Variants in LRP1 observed in about 807,000 individuals in gnomAD.
LRP1 encodes LDL receptor related protein 1.
In LRP1, 51 loss-of-function variants were observed where a neutral mutation model predicts 541.5. The ratio of observed to expected loss-of-function variants is 0.09; its 90% CI spans 0.08 to 0.12. LRP1 has a LOEUF of 0.12. Ranked by LOEUF, LRP1 falls within the 10% of genes least tolerant of loss-of-function variation. The pLI, the probability that LRP1 is intolerant of heterozygous loss-of-function variation, is 1.00. For synonymous variants in LRP1, 2,219 were observed against 2,470.8 expected, an observed-to-expected ratio of 0.90 and a Z score of 3.02; for missense variants, 3,878 against 6,376.2, an observed-to-expected ratio of 0.61 and a Z score of 13.34.
At chr12:57,193,153 G>A in intron 45 of LRP1, 23 bp from the exon 46 acceptor site, 2 of 1,612,186 alleles carry the variant, frequency 1.2e-6, no homozygotes, top group Non-Finnish European at 1.7e-6. Flanking sequence ...GGCTCAGAAA[G>A]CTCCCTCCAC....
chr12:57,134,971 C>T (rs930014120), intron 1 of LRP1, among the ~76,000 whole-genome samples: 6 of 152,198 alleles, frequency 3.9e-5, no homozygotes, highest in African/African-American at 1.4e-4. Flanking sequence ...TCCCAAAGTA[C>T]TGGGATTACA....
Position 57,156,011 on chromosome 12 carries a change from C to G in LRP1, c.1228-83C>G, listed in dbSNP as rs1237923482. ...AATTGGGGAATGCAGGTCATGAAGT[C>G]TGGAGGAAGCTGAGGGGATCTCCAG... On this transcript the variant is annotated intron_variant, in intron 8 of 88. Coordinates refer to ENST00000243077, the MANE Select transcript of LRP1 (RefSeq NM_002332.3). This position sits in a 1 kb window ranked among gnomAD's most constrained non-coding sequence, Gnocchi z 5.2. 4.5e-6 allele frequency: 5 copies of G among 1,108,446 alleles called. No individual in the cohort carries two copies. The African/African-American group carries it at 7.8e-5, about 17-fold the overall frequency. 68.7% of individuals were successfully genotyped at this position (1,108,446 alleles called of 1,614,324 possible). A position where few individuals can be genotyped will look rare whatever the true frequency, so the allele number is the denominator to read the frequency against.
In LRP1 at chr12:57,209,717, C is replaced by T. The variant is rs113975567; in HGVS notation, c.12288C>T (p.Asp4096=). 125 of 1,614,206 alleles carry T rather than the reference C, an allele frequency of 7.7e-5. No individual in the cohort carries two copies. Among genetic ancestry groups the T allele is most frequent in the African/African-American group, 4.9e-4 (37 of 75,048 alleles). The change falls in exon 80 of 89, where the codon GAC becomes GAT. Residue 4096 remains aspartate, a synonymous_variant. Transcript: ENST00000243077. ...GCCTAAGTCACCCCTTCAGCATCGACGTCTTTGAGGATTACATCTATGGTG... is the reference window on the plus strand; with the variant it reads ...GCCTAAGTCACCCCTTCAGCATCGATGTCTTTGAGGATTACATCTATGGTG... ...KRGLSHPFSI[D]VFEDYIYGVT... is the part of the protein sequence containing the mutation.
At chr12:57,133,006 A>G (rs959491069) in intron 1 of LRP1, among the ~76,000 whole-genome samples, 1 of 151,954 alleles carries the variant, frequency 6.6e-6, no homozygotes, top group Non-Finnish European at 1.5e-5. Context: ...TGGGTTTTGG[A>G]GAGAATGTTT....
At chr12:57,176,150 G>C in intron 24 of LRP1, 44 bp downstream of exon 24, 1 of 1,601,618 alleles carries the variant, frequency 6.2e-7, no homozygotes, top group East Asian at 2.2e-5. Flanking sequence ...CAGGCGGAGC[G>C]CTCAGGCGCT....
chr12:57,166,181 T>C lies in LRP1; in HGVS notation c.2769T>C (p.Ser923=), dbSNP rs1392816189. The change falls in exon 17 of 89, where the codon AGT becomes AGC. Residue 923 remains serine, a synonymous_variant. Transcript: ENST00000243077. ...LCDGDNDCGN[S]EDESNATCSA... The stretch of plus-strand genomic sequence containing the variant: ...ACGGGGACAATGACTGTGGGAACAG[T>C]GAAGATGAGTCCAATGCCACTTGTT... 2 of 1,613,040 alleles carry C rather than the reference T, an allele frequency of 1.2e-6. No individual in the cohort carries two copies. The highest frequency in any genetic ancestry group is 2.2e-5 in the South Asian group (2 of 90,840).
intron 6 of LRP1, among the ~76,000 whole-genome samples, chr12:57,145,999 C>T (rs1189236471): frequency 1.3e-5 from 2 of 152,160 alleles, no homozygotes; most frequent in Admixed American, 1.3e-4. Context: ...GGTTATTTCT[C>T]TGTGGCTTTG....
chr12:57,149,220 C>T (rs1311339328), intron 6 of LRP1: 1 of 439,606 alleles, frequency 2.3e-6, no homozygotes, highest in Non-Finnish European at 4.0e-6. Context: ...CCTTTCTGAC[C>T]CATGGGATGC....
chr12:57,142,210 C>T (rs902671506), intron 3 of LRP1, among the ~76,000 whole-genome samples: 1 of 152,218 alleles, frequency 6.6e-6, no homozygotes, highest in African/African-American at 2.4e-5. Context: ...GAGTCGTGTC[C>T]GGGGAGGCAG....
At position 57,162,362 on chromosome 12, in the gene LRP1, C is replaced by T. The variant is rs2035753546; in HGVS notation, c.2248C>T (p.His750Tyr). The change falls in exon 14 of 89, where the codon CAC becomes TAC. Residue 750 changes from histidine to tyrosine, a missense_variant. Coordinates refer to ENST00000243077, the MANE Select transcript of LRP1 (RefSeq NM_002332.3). The surrounding 1 kb of genome is among the most constrained non-coding windows in gnomAD (Gnocchi z 5.2). ...PELNHAFGLC[H>Y]HGNYLFWTEY... ...GCTGAACCACGCCTTTGGCCTGTGT[C>T]ACCATGGCAACTACCTCTTCTGGAC... 6.2e-7 allele frequency: 1 copy of T among 1,614,176 alleles called. No individual in the cohort carries two copies. Among genetic ancestry groups the T allele is most frequent in the East Asian group, 2.2e-5 (1 of 44,874 alleles).
At chr12:57,171,964 C>T (rs1233690269) in intron 20 of LRP1, among the ~76,000 whole-genome samples, 4 of 152,158 alleles carry the variant, frequency 2.6e-5, no homozygotes, top group African/African-American at 9.7e-5. Flanking sequence ...CCAAGCCCCT[C>T]TGCACGGCCT....
At chr12:57,208,611 C>A in intron 77 of LRP1, 100 bp from the exon 78 acceptor site, 1 of 711,588 alleles carries the variant, frequency 1.4e-6, no homozygotes, top group African/African-American at 1.8e-5. Flanking sequence ...CTCCCAGTCC[C>A]CAGCAGTCCC....
rs1344937788 is a variant in LRP1, at chr12:57,166,190, G to A, written c.2778G>A (p.Glu926=). ...ATGACTGTGGGAACAGTGAAGATGA[G>A]TCCAATGCCACTTGTTCAGGTGTGG... ...GDNDCGNSED[E]SNATCSARTC... The change falls in exon 17 of 89, where the codon GAG becomes GAA. Residue 926 remains glutamate (E), a synonymous_variant. Transcript: ENST00000243077. 1.2e-6 allele frequency: 2 copies of A among 1,612,140 alleles called. No individual in the cohort carries two copies. The highest frequency in any genetic ancestry group is 2.2e-5 in the East Asian group (1 of 44,738).
chr12:57,197,399 C>G lies in LRP1; in HGVS notation c.9162+15C>G. 2 of 1,610,812 alleles carry G rather than the reference C, an allele frequency of 1.2e-6. No individual in the cohort carries two copies. The highest frequency in any genetic ancestry group is 1.7e-6 in the Non-Finnish European group (2 of 1,177,688). The stretch of plus-strand genomic sequence containing the variant: ...TACTTAAGCAGGTACCAAACCCAGG[C>G]CCTCCTCCCCGCTGCCCATCTCCCA... On this transcript the variant is annotated intron_variant, in intron 57 of 88. Transcript: ENST00000243077. The surrounding 1 kb of genome is among the most constrained non-coding windows in gnomAD (Gnocchi z 4.5).
At chr12:57,159,118 C>T (rs975332848) in intron 11 of LRP1, among the ~76,000 whole-genome samples, 1 of 152,212 alleles carries the variant, frequency 6.6e-6, no homozygotes, top group African/African-American at 2.4e-5. Context: ...GCTGCTTGGG[C>T]AGGTTCACAG....
At chr12:57,181,366 T>C in intron 34 of LRP1, 75 bp downstream of exon 34, 3 of 1,515,748 alleles carry the variant, frequency 2.0e-6, no homozygotes. Flanking sequence ...AGCCCCACCT[T>C]CCTCTTCTTA....
At chr12:57,161,999 G>A (rs1438213842) in intron 13 of LRP1, among the ~76,000 whole-genome samples, 1 of 112,886 alleles carries the variant, frequency 8.9e-6, no homozygotes, top group Non-Finnish European at 1.6e-5. Flanking sequence ...ACGCATATGA[G>A]TGTGTGTGTG....
At position 57,156,587 on chromosome 12, in the gene LRP1, C is replaced by G. The variant is rs763005080; in HGVS notation, c.1418-190C>G. On this transcript the variant is annotated intron_variant, in intron 9 of 88. Coordinates refer to ENST00000243077, the MANE Select transcript of LRP1 (RefSeq NM_002332.3). This position sits in a 1 kb window ranked among gnomAD's most constrained non-coding sequence, Gnocchi z 5.2. ...TCTCTTCCCTGACTACTGAAGCCCC[C>G]ACTCCAAGAGTTTGAAGGCTGGGTT... Among the ~76,000 whole-genome samples, 8 of 152,258 alleles carry G rather than the reference C, an allele frequency of 5.3e-5. No homozygotes were observed. Among genetic ancestry groups the G allele is most frequent in the Non-Finnish European group, 1.5e-5 (1 of 68,054 alleles).
chr12:57,211,822 G>T lies in LRP1; in HGVS notation c.13258+8G>T. ...GCCAGCAGCAGCCAGGACGTAGGTG[G>T]CAGGGGTTGGGGCAGGCAGGGCCAC... is the stretch of plus-strand genomic sequence containing the variant. On this transcript the variant is annotated splice_region_variant and intron_variant, in intron 86 of 88. Coordinates refer to ENST00000243077, the MANE Select transcript of LRP1 (RefSeq NM_002332.3). This position sits in a 1 kb window ranked among gnomAD's most constrained non-coding sequence, Gnocchi z 4.3. 2.5e-6 allele frequency: 4 copies of T among 1,612,702 alleles called. No individual in the cohort carries two copies. Among genetic ancestry groups the T allele is most frequent in the Non-Finnish European group, 2.5e-6 (3 of 1,180,006 alleles).
Sources: allele counts gnomAD v4.1 joint callset (sites outside exome capture counted in the v4.1 genomes callset), GRCh38; gene constraint gnomAD v4.1.1; non-coding constraint Gnocchi (gnomAD v3.1); transcripts MANE v1.5; gene names NCBI Gene and HGNC (gene_info 2026-07-23, HGNC 2026-07-21).